Variants in OPHN1 observed in about 807,000 individuals in gnomAD.
The protein encoded by OPHN1 is oligophrenin 1, also known as oligophrenin-1.
OPHN1 carries 11 observed loss-of-function variants against 60.7 expected under a neutral mutation model. The observed-to-expected ratio is 0.18, with a 90% CI of 0.11 to 0.30. The LOEUF (loss-of-function observed/expected upper bound fraction) is 0.30. Ranked by LOEUF, OPHN1 falls within the 10% of genes least tolerant of loss-of-function variation. The pLI, the probability that OPHN1 is intolerant of heterozygous loss-of-function variation, is 1.00. For missense variants in OPHN1, 449 were observed against 611.0 expected, an observed-to-expected ratio of 0.73 and a Z score of 2.80; for synonymous variants, 226 against 222.6, an observed-to-expected ratio of 1.02 and a Z score of -0.14.
chrX:68,389,254 G>A (rs1482589243), intron 2 of OPHN1, among the ~76,000 whole-genome samples: 1 of 108,595 alleles, frequency 9.2e-6, no homozygotes, highest in Non-Finnish European at 1.9e-5. Context: ...ACCACACCTG[G>A]CCAGAACATG....
chrX:68,259,474 A>G (rs200092324), intron 5 of OPHN1, among the ~76,000 whole-genome samples: 1 of 111,251 alleles, frequency 9.0e-6, no homozygotes, highest in East Asian at 2.8e-4. Flanking sequence ...TTGTTTAAGA[A>G]ATCATGAGAA....
chrX:68,179,484 T>G (rs2077427807), intron 15 of OPHN1, among the ~76,000 whole-genome samples: 1 of 112,290 alleles, frequency 8.9e-6, no homozygotes, highest in African/African-American at 3.2e-5. Flanking sequence ...ATTCTCTTTC[T>G]GATTAGGTCC....
At chrX:68,071,118 G>C in intron 20 of OPHN1, 3 of 991,509 alleles carry the variant, frequency 3.0e-6, no homozygotes, top group Non-Finnish European at 4.3e-6. Context: ...GGTGGATCTT[G>C]TCTGCAAATT....
At chrX:68,191,310 G>A (rs1160613159) in intron 15 of OPHN1, among the ~76,000 whole-genome samples, 1 of 111,371 alleles carries the variant, frequency 9.0e-6, no homozygotes, top group African/African-American at 3.3e-5. Flanking sequence ...CCATTTACCC[G>A]AGCATGCTAT....
At chrX:68,132,414 T>C (rs1602178955) in intron 15 of OPHN1, among the ~76,000 whole-genome samples, 2 of 107,366 alleles carry the variant, frequency 1.9e-5, no homozygotes, top group African/African-American at 3.4e-5. Flanking sequence ...ATGGATGAAA[T>C]TGGAAACCAT....
chrX:68,388,047 T>A (rs2078633519), intron 2 of OPHN1, among the ~76,000 whole-genome samples: 1 of 107,704 alleles, frequency 9.3e-6, no homozygotes, highest in Admixed American at 1.0e-4. Flanking sequence ...TGGACTACAG[T>A]CAGGAAACAA....
intron 3 of OPHN1, among the ~76,000 whole-genome samples, chrX:68,298,696 A>G (rs1192028789): frequency 1.8e-5 from 2 of 112,435 alleles, no homozygotes; most frequent in East Asian, 5.6e-4. Flanking sequence ...ATAAACCAAA[A>G]AAGTCCCCCT....
chrX:68,144,273 T>C (rs2077254917), intron 15 of OPHN1, among the ~76,000 whole-genome samples: 1 of 110,644 alleles, frequency 9.0e-6, no homozygotes. Flanking sequence ...CAAGCAATCC[T>C]CTCACGTTAG....
At chrX:68,228,044 C>T (rs147537956) in intron 6 of OPHN1, among the ~76,000 whole-genome samples, 9,102 of 110,892 alleles carry the variant, frequency 0.082, 955 homozygotes, top group African/African-American at 0.28. Flanking sequence ...AGAGAAGAAT[C>T]AAATAGTTGC....
At chrX:68,273,214 T>C (rs1045406538) in intron 5 of OPHN1, among the ~76,000 whole-genome samples, 1 of 111,907 alleles carries the variant, frequency 8.9e-6, no homozygotes, top group Admixed American at 9.5e-5. Flanking sequence ...AAAGAAAAAC[T>C]TGCTGTTTTC....
chrX:68,074,161 C>A (rs1466519728), intron 19 of OPHN1, among the ~76,000 whole-genome samples: 1 of 111,548 alleles, frequency 9.0e-6, no homozygotes, highest in East Asian at 2.8e-4. Context: ...ACAAAATCAA[C>A]CCCAGTGATT....
At chrX:68,183,859 G>A (rs1237221352) in intron 15 of OPHN1, among the ~76,000 whole-genome samples, 2 of 112,066 alleles carry the variant, frequency 1.8e-5, no homozygotes, top group Non-Finnish European at 3.8e-5. Context: ...AAGAACTTAC[G>A]AGAGTTGAAG....
At chrX:68,159,558 A>T (rs1485715223) in intron 15 of OPHN1, among the ~76,000 whole-genome samples, 1 of 112,089 alleles carries the variant, frequency 8.9e-6, no homozygotes, top group Non-Finnish European at 1.9e-5. Context: ...CTTGCTCTCC[A>T]TTCCTCTCTC....
At chrX:68,338,452 T>C (rs184765071) in intron 2 of OPHN1, among the ~76,000 whole-genome samples, 2 of 111,982 alleles carry the variant, frequency 1.8e-5, no homozygotes, top group Non-Finnish European at 3.8e-5. Context: ...TTAAGAAATT[T>C]ACAAAGATAT....
chrX:68,156,780 AAAG>A (rs1174694324), intron 15 of OPHN1, among the ~76,000 whole-genome samples: 1 of 112,057 alleles, frequency 8.9e-6, no homozygotes, highest in Admixed American at 9.5e-5. Context: ...ATCACATATG[AAAG>A]AAGAAATGAA....
chrX:68,197,465 C>T (rs771200527), intron 11 of OPHN1, among the ~76,000 whole-genome samples: 85 of 110,523 alleles, frequency 7.7e-4, no homozygotes, highest in African/African-American at 2.6e-3. Context: ...ACCATGGAGG[C>T]GGGGGTGGTA....
At chrX:68,185,626 T>C (rs2077459023) in intron 15 of OPHN1, among the ~76,000 whole-genome samples, 1 of 110,322 alleles carries the variant, frequency 9.1e-6, no homozygotes, top group Non-Finnish European at 1.9e-5. Context: ...AGTCATAGTA[T>C]AAGCATGTCA....
chrX:68,190,935 T>C (rs2077485392), intron 15 of OPHN1, among the ~76,000 whole-genome samples: 1 of 111,754 alleles, frequency 8.9e-6, no homozygotes, highest in African/African-American at 3.3e-5. Context: ...GATGATGAGG[T>C]ACTAATGATG....
At chrX:68,199,964 G>A (rs966454243) in intron 11 of OPHN1, among the ~76,000 whole-genome samples, 10 of 112,046 alleles carry the variant, frequency 8.9e-5, no homozygotes, top group Non-Finnish European at 1.5e-4. Context: ...AGGAGGCTGA[G>A]GCAGGAGACT....
Sources: allele counts gnomAD v4.1 joint callset (sites outside exome capture counted in the v4.1 genomes callset), GRCh38; gene constraint gnomAD v4.1.1; transcripts MANE v1.5; gene names NCBI Gene and HGNC (gene_info 2026-07-23, HGNC 2026-07-21).